The following CNTLN variants were observed in gnomAD, a reference collection of about 807,000 sequenced individuals.
CNTLN encodes centlein, centrosomal protein.
A neutral mutation model predicts 180.0 loss-of-function variants in CNTLN; 212 were observed. The ratio of observed to expected loss-of-function variants is 1.18; its 90% CI spans 1.05 to 1.32. CNTLN has a LOEUF of 1.32. Among genes scored for constraint, CNTLN ranks in the 40% most tolerant of loss-of-function variants. The probability of loss-of-function intolerance (pLI) is 0.00; values close to 1 mark genes in which losing one functional copy is unlikely to be tolerated. For missense variants in CNTLN, 2,095 were observed against 1,610.9 expected (o/e 1.30, Z -5.14); for synonymous variants, 722 against 563.1 (o/e 1.28, Z -3.99).
chr9:17,524,698 T>A, the CNTLN span, among the ~76,000 whole-genome samples: 2 of 152,384 alleles, frequency 1.3e-5, no homozygotes, highest in Admixed American at 1.3e-4. Flanking sequence ...CTTGACTATT[T>A]GTTGTAAACT....
At chr9:17,440,504 G>C (rs1830044758) in intron 18 of CNTLN, among the ~76,000 whole-genome samples, 1 of 150,876 alleles carries the variant, frequency 6.6e-6, no homozygotes, top group East Asian at 2.0e-4. Context: ...CAGGAGAATG[G>C]CGTGAACCTG....
chr9:17,340,202 A>G (rs187622947), intron 10 of CNTLN, among the ~76,000 whole-genome samples: 21 of 152,306 alleles, frequency 1.4e-4, no homozygotes, highest in African/African-American at 4.3e-4. Flanking sequence ...TAACCTAGGT[A>G]TTGACACAAC....
At chr9:17,410,048 A>G (rs376050678) in intron 16 of CNTLN, among the ~76,000 whole-genome samples, 1 of 152,156 alleles carries the variant, frequency 6.6e-6, no homozygotes, top group Admixed American at 6.5e-5. Flanking sequence ...CTTTTAAAAC[A>G]TAATTCAAAA....
intron 18 of CNTLN, chr9:17,444,375 A>G (rs192540652): frequency 5.9e-5 from 9 of 152,304 alleles, no homozygotes; most frequent in Admixed American, 2.0e-4. Flanking sequence ...TTATTTCATT[A>G]TATGTTAATT....
At chr9:17,389,857 T>C (rs1825961260) in intron 14 of CNTLN, among the ~76,000 whole-genome samples, 1 of 152,146 alleles carries the variant, frequency 6.6e-6, no homozygotes, top group African/African-American at 2.4e-5. Context: ...TCTCAGAACG[T>C]GGCTGTATTT....
At chr9:17,471,972 A>C (rs1832062807) in intron 23 of CNTLN, among the ~76,000 whole-genome samples, 1 of 152,134 alleles carries the variant, frequency 6.6e-6, no homozygotes, top group East Asian at 1.9e-4. Flanking sequence ...GTGGAAGGTA[A>C]AACATTTCAG....
At chr9:17,136,100 G>A (rs1817698066) in intron 1 of CNTLN, among the ~76,000 whole-genome samples, 1 of 152,138 alleles carries the variant, frequency 6.6e-6, no homozygotes, top group African/African-American at 2.4e-5. Flanking sequence ...CCTGTTTGTA[G>A]AGTTTTTGTA....
intron 3 of CNTLN, among the ~76,000 whole-genome samples, chr9:17,234,213 GC>G (rs1398104033): frequency 1.3e-5 from 2 of 152,042 alleles, no homozygotes; most frequent in African/African-American, 4.8e-5. Flanking sequence ...TCTCAGCGGG[GC>G]CAAGCTGGGA....
At chr9:17,244,253 C>T (rs1394351597) in intron 5 of CNTLN, among the ~76,000 whole-genome samples, 1 of 151,244 alleles carries the variant, frequency 6.6e-6, no homozygotes, top group South Asian at 2.1e-4. Context: ...GCTCTGTCAC[C>T]CAGACTGGAG....
At chr9:17,246,833 T>TAAAGAGGAGA in intron 5 of CNTLN, among the ~76,000 whole-genome samples, 1 of 152,156 alleles carries the variant, frequency 6.6e-6, no homozygotes, top group Non-Finnish European at 1.5e-5. Context: ...CCAAGGGCTC[T>TAAAGAGGAGA]TTAGTCAGCA....
intron 18 of CNTLN, among the ~76,000 whole-genome samples, chr9:17,436,597 C>T (rs1829792404): frequency 6.6e-6 from 1 of 152,150 alleles, no homozygotes; most frequent in Non-Finnish European, 1.5e-5. Context: ...CCCTTTAACA[C>T]TAAAAGGGCC....
intron 23 of CNTLN, among the ~76,000 whole-genome samples, chr9:17,480,369 AAAC>A (rs1475812016): frequency 2.7e-5 from 4 of 147,636 alleles, no homozygotes; most frequent in African/African-American, 1.0e-4. Flanking sequence ...AAAAAAAAAA[AAAC>A]ACATTAGGAA....
At chr9:17,515,137 G>A in the CNTLN span, among the ~76,000 whole-genome samples, 1 of 152,094 alleles carries the variant, frequency 6.6e-6, no homozygotes, top group Non-Finnish European at 1.5e-5. Flanking sequence ...CCAGTTTTCA[G>A]CCTTTCTCCT....
chr9:17,263,340 C>G (rs1175883414), intron 5 of CNTLN, among the ~76,000 whole-genome samples: 1 of 150,638 alleles, frequency 6.6e-6, no homozygotes, highest in East Asian at 2.0e-4. Context: ...ATGGTTTCCA[C>G]TTTCATCCAT....
At chr9:17,305,523 T>TG (rs1201724087) in intron 7 of CNTLN, among the ~76,000 whole-genome samples, 1 of 149,834 alleles carries the variant, frequency 6.7e-6, no homozygotes, top group African/African-American at 2.4e-5. Flanking sequence ...TGAGCACTGT[T>TG]TTTTTTTTTT....
intron 2 of CNTLN, among the ~76,000 whole-genome samples, chr9:17,213,883 CT>C (rs1317095293): frequency 6.6e-6 from 1 of 152,028 alleles, no homozygotes; most frequent in African/African-American, 2.4e-5. Context: ...CAACCCCTGC[CT>C]TTTTTTGTTT....
intron 2 of CNTLN, among the ~76,000 whole-genome samples, chr9:17,189,178 G>A (rs1022933971): frequency 6.9e-6 from 1 of 144,724 alleles, no homozygotes; most frequent in Non-Finnish European, 1.5e-5. Context: ...CGCCTCCCGG[G>A]TTCACGCCAT....
chr9:17,361,124 A>C (rs1000222436), intron 12 of CNTLN, among the ~76,000 whole-genome samples: 1 of 152,008 alleles, frequency 6.6e-6, no homozygotes, highest in Non-Finnish European at 1.5e-5. Context: ...GGTTTGTTAC[A>C]TATGTATACA....
rs1320255540 is a variant in CNTLN, at chr9:17,135,059, C to G, written c.-7C>G. 1 of 1,593,306 alleles carries G rather than the reference C, an allele frequency of 6.3e-7. No homozygotes were observed. The highest frequency in any genetic ancestry group is 8.5e-7 in the Non-Finnish European group (1 of 1,175,010). ...ACAGGGAACTTGACCCGTTAGCAGC[C>G]GCAGCCATGGCGGCGCGTTCGCCTC... On this transcript the variant is annotated 5_prime_UTR_variant, in exon 1 of 26. Transcript: ENST00000380647.
Sources: gnomAD v4.1 joint callset for allele counts (sites outside exome capture counted in the v4.1 genomes callset) on GRCh38, gnomAD v4.1.1 for gene constraint, MANE v1.5 for transcripts, NCBI Gene and HGNC (gene_info 2026-07-23, HGNC 2026-07-21) for gene names.